ZNF521: variants seen among roughly 807,000 people sequenced by gnomAD.
The protein encoded by ZNF521 is LYST-interacting protein 3.
A neutral mutation model predicts 105.5 loss-of-function variants in ZNF521; 14 were observed. That is an observed-to-expected ratio of 0.13 (90% CI 0.09 to 0.21). ZNF521 has a LOEUF of 0.21. Among genes scored for constraint, ZNF521 ranks in the 10% least tolerant of loss-of-function variants. The pLI is 1.00. For missense variants in ZNF521, 1,233 were observed against 1,629.7 expected, an observed-to-expected ratio of 0.76 and a Z score of 4.19; for synonymous variants, 635 against 606.0, an observed-to-expected ratio of 1.05 and a Z score of -0.70.
At chr18:25,062,774 A>T in intron 7 of ZNF521, 33 bp from the exon 8 acceptor site, 1 of 1,373,820 alleles carries the variant, frequency 7.3e-7, no homozygotes, top group Non-Finnish European at 9.9e-7. Flanking sequence ...AAAAAAAAAA[A>T]AAAAAAAAAA....
intron 2 of ZNF521, among the ~76,000 whole-genome samples, chr18:25,348,594 G>C (rs1004189257): frequency 3.3e-5 from 5 of 152,178 alleles, no homozygotes; most frequent in Non-Finnish European, 5.9e-5. Context: ...TGTCCAAGCA[G>C]CTGATAGGAG....
chr18:25,327,859 A>AACAAACAAACACAAC (rs1421289004), intron 2 of ZNF521, among the ~76,000 whole-genome samples: 4 of 152,130 alleles, frequency 2.6e-5, no homozygotes, highest in African/African-American at 9.7e-5. Flanking sequence ...ACTAAAGGTA[A>AACAAACAAACACAAC]ACAAACAAAC....
At chr18:25,239,031 T>C (rs1044744219) in intron 3 of ZNF521, among the ~76,000 whole-genome samples, 9 of 152,272 alleles carry the variant, frequency 5.9e-5, no homozygotes, top group Admixed American at 3.9e-4. Flanking sequence ...TGCTCCTCTG[T>C]AATGGAACAT....
At chr18:25,195,112 C>T in intron 5 of ZNF521, 48 bp downstream of exon 5, 1 of 1,368,710 alleles carries the variant, frequency 7.3e-7, no homozygotes, top group Non-Finnish European at 1.0e-6. Context: ...GTGATATACA[C>T]AAGCAGAAGA....
intron 5 of ZNF521, among the ~76,000 whole-genome samples, chr18:25,123,671 T>G (rs1369508797): frequency 6.6e-6 from 1 of 152,202 alleles, no homozygotes; most frequent in East Asian, 1.9e-4. Context: ...AGGACTCCAG[T>G]GCACTTTAAA....
intron 5 of ZNF521, among the ~76,000 whole-genome samples, chr18:25,098,566 A>G (rs1567960760): frequency 6.6e-6 from 1 of 152,110 alleles, no homozygotes; most frequent in Non-Finnish European, 1.5e-5. Flanking sequence ...AAAGTAGTGG[A>G]TATTTCTTAG....
At chr18:25,350,343 G>A (rs984060214) in intron 2 of ZNF521, among the ~76,000 whole-genome samples, 5 of 152,002 alleles carry the variant, frequency 3.3e-5, no homozygotes, top group African/African-American at 1.2e-4. Flanking sequence ...GGCGGCCGGG[G>A]TCTGTTTACT....
Position 25,224,657 on chromosome 18 carries a change from G to A in ZNF521, c.3261C>T (p.Gly1087=), listed in dbSNP as rs1279236672. 2 of 1,614,012 alleles carry A rather than the reference G, an allele frequency of 1.2e-6. No individual in the cohort carries two copies. The highest frequency in any genetic ancestry group is 1.3e-5 in the African/African-American group (1 of 74,922). The change falls in exon 4 of 8, where the codon GGC becomes GGT. Residue 1087 remains glycine (G), a synonymous_variant. Coordinates refer to ENST00000361524, the MANE Select transcript of ZNF521 (RefSeq NM_015461.3). Reference sequence around the variant, plus strand: ...AGCCGGCACACAGACCATATGGCAGGCCATTGATATCAAGTTTCACCAGAT... The same window carrying A: ...AGCCGGCACACAGACCATATGGCAGACCATTGATATCAAGTTTCACCAGAT... ...KQDLVKLDIN[G]LPYGLCAGCV... is the part of the protein sequence containing the mutation.
At chr18:25,209,788 A>G (rs184510719) in intron 4 of ZNF521, among the ~76,000 whole-genome samples, 2 of 152,276 alleles carry the variant, frequency 1.3e-5, no homozygotes, top group African/African-American at 4.8e-5. Flanking sequence ...ATGCTCATTT[A>G]TTTATATGCG....
At chr18:25,123,468 AAAGTACCTTC>A (rs1454477662) in intron 5 of ZNF521, among the ~76,000 whole-genome samples, 1 of 152,206 alleles carries the variant, frequency 6.6e-6, no homozygotes, top group African/African-American at 2.4e-5. Context: ...CTTTAGAGCT[AAAGTACCTTC>A]AAGCAATCTC....
At chr18:25,209,353 T>G (rs2036137719) in intron 4 of ZNF521, among the ~76,000 whole-genome samples, 1 of 151,884 alleles carries the variant, frequency 6.6e-6, no homozygotes, top group African/African-American at 2.4e-5. Flanking sequence ...GCTCATGATC[T>G]ACCCACCTCG....
At chr18:25,328,527 A>G (rs1913369571) in intron 2 of ZNF521, among the ~76,000 whole-genome samples, 1 of 150,834 alleles carries the variant, frequency 6.6e-6, no homozygotes, top group Non-Finnish European at 1.5e-5. Flanking sequence ...TTCTTCCATT[A>G]TTCCTCCTTT....
rs9961453 is a variant in ZNF521, at chr18:25,253,864, G to C, written c.221-26167C>G. Among the ~76,000 whole-genome samples, 605 of 152,114 alleles carry C rather than the reference G, an allele frequency of 4.0e-3. 8 individuals are homozygous for C. Among genetic ancestry groups the C allele is most frequent in the African/African-American group, 0.014 (581 of 41,520 alleles). On this transcript the variant is annotated intron_variant, in intron 3 of 7. Transcript: ENST00000361524. ...CTCCAAAGGGTTCAATAGCAGATGT[G>C]GGGGGGAACTATTTGCAAGCACCTT...
At chr18:25,320,502 T>C (rs1346997624) in intron 3 of ZNF521, among the ~76,000 whole-genome samples, 2 of 152,160 alleles carry the variant, frequency 1.3e-5, no homozygotes, top group African/African-American at 4.8e-5. Context: ...TCAGTAAGTA[T>C]ACTATAGATA....
intron 5 of ZNF521, among the ~76,000 whole-genome samples, chr18:25,146,464 G>A (rs1257674838): frequency 6.6e-6 from 1 of 152,090 alleles, no homozygotes; most frequent in African/African-American, 2.4e-5. Context: ...CAAGCAGGGA[G>A]CCCTATAGAA....
chr18:25,157,479 TA>T (rs2035168760), intron 5 of ZNF521, among the ~76,000 whole-genome samples: 1 of 152,218 alleles, frequency 6.6e-6, no homozygotes, highest in South Asian at 2.1e-4. Context: ...GAATTTATCC[TA>T]AGGAGATAAT....
chr18:25,242,120 T>C (rs1907378978), intron 3 of ZNF521, among the ~76,000 whole-genome samples: 1 of 152,216 alleles, frequency 6.6e-6, no homozygotes, highest in Non-Finnish European at 1.5e-5. Flanking sequence ...TTATGTCCAA[T>C]CTGTCACTGA....
intron 3 of ZNF521, among the ~76,000 whole-genome samples, chr18:25,288,972 A>G (rs1286096387): frequency 6.6e-6 from 1 of 152,210 alleles, no homozygotes; most frequent in Non-Finnish European, 1.5e-5. Flanking sequence ...ATTGATAATA[A>G]AAGCATTTTT....
At chr18:25,288,193 G>T (rs1351493563) in intron 3 of ZNF521, among the ~76,000 whole-genome samples, 2 of 152,062 alleles carry the variant, frequency 1.3e-5, no homozygotes, top group Non-Finnish European at 2.9e-5. Context: ...ATACATATTT[G>T]GATTTTTCCC....
Sources: allele counts gnomAD v4.1 joint callset (sites outside exome capture counted in the v4.1 genomes callset), GRCh38; gene constraint gnomAD v4.1.1; transcripts MANE v1.5; gene names NCBI Gene and HGNC (gene_info 2026-07-23, HGNC 2026-07-21).